The following PRKN variants were observed in gnomAD, a reference collection of about 807,000 sequenced individuals.
PRKN encodes the protein E3 ubiquitin-protein ligase parkin.
PRKN carries 56 observed loss-of-function variants against 59.5 expected under a neutral mutation model. The observed-to-expected ratio is 0.94, with a 90% CI of 0.76 to 1.18. The LOEUF (loss-of-function observed/expected upper bound fraction) is 1.18. PRKN is among the 50% of genes most tolerant of loss of function. PRKN has a pLI of 0.00. For missense variants in PRKN, 657 were observed against 596.4 expected, an observed-to-expected ratio of 1.10 and a Z score of -1.06; for synonymous variants, 250 against 222.1, an observed-to-expected ratio of 1.13 and a Z score of -1.12.
intron 1 of PRKN, among the ~76,000 whole-genome samples, chr6:162,719,490 GC>G (rs1270259969): frequency 2.0e-5 from 3 of 152,034 alleles, no homozygotes; most frequent in African/African-American, 7.2e-5. Context: ...AACCTAACTT[GC>G]CCCCATCCTC....
intron 9 of PRKN, among the ~76,000 whole-genome samples, chr6:161,422,756 G>A (rs1788159380): frequency 6.6e-6 from 1 of 152,136 alleles, no homozygotes; most frequent in Admixed American, 6.5e-5. Context: ...AGCAAGGAAG[G>A]AAGAGAGAAA....
intron 2 of PRKN, among the ~76,000 whole-genome samples, chr6:162,313,792 A>G (rs968866780): frequency 3.9e-5 from 6 of 152,094 alleles, no homozygotes; most frequent in Non-Finnish European, 8.8e-5. Flanking sequence ...CAGCCGCTGC[A>G]TCAGATTTTT....
chr6:162,257,064 G>T (rs1231371454), intron 3 of PRKN, among the ~76,000 whole-genome samples: 1 of 152,206 alleles, frequency 6.6e-6, no homozygotes, highest in African/African-American at 2.4e-5. Context: ...GCCAGCCTCA[G>T]CCTGTGCTGC....
At chr6:161,851,018 A>G (rs1722968411) in intron 6 of PRKN, among the ~76,000 whole-genome samples, 1 of 152,196 alleles carries the variant, frequency 6.6e-6, no homozygotes, top group African/African-American at 2.4e-5. Flanking sequence ...ACTTACAAAT[A>G]ACGATACTTT....
chr6:162,644,129 T>A (rs1184461871), intron 1 of PRKN, among the ~76,000 whole-genome samples: 3 of 152,144 alleles, frequency 2.0e-5, no homozygotes, highest in African/African-American at 7.2e-5. Flanking sequence ...GCAATGGAGA[T>A]GCACAAGTTG....
At chr6:161,649,513 G>C (rs1784075983) in intron 7 of PRKN, among the ~76,000 whole-genome samples, 1 of 152,128 alleles carries the variant, frequency 6.6e-6, no homozygotes, top group South Asian at 2.1e-4. Flanking sequence ...CAAGCATTTG[G>C]GACATACTTC....
At position 161,499,729 on chromosome 6, in the gene PRKN, G is replaced by C. The variant is rs144461702; in HGVS notation, c.1083+49125C>G. 1.7e-4 allele frequency among the ~76,000 whole-genome samples: 26 copies of C among 152,268 alleles called. No individual in the cohort carries two copies. The East Asian group carries it at 4.6e-3, about 27-fold the overall frequency. On this transcript the variant is annotated intron_variant, in intron 9 of 11. Transcript: ENST00000366898. This position sits in a 1 kb window ranked among gnomAD's most constrained non-coding sequence, Gnocchi z 4.2. ...ACAATTCTTAGGCACAATTAATCTT[G>C]AGAATTACTGCTCTGTGGCTGAGGT... is the stretch of plus-strand genomic sequence containing the variant.
intron 2 of PRKN, among the ~76,000 whole-genome samples, chr6:162,319,513 C>A (rs1782896890): frequency 1.3e-5 from 2 of 151,994 alleles, no homozygotes; most frequent in Non-Finnish European, 2.9e-5. Flanking sequence ...TGGTTACTTA[C>A]ACAACAACAA....
intron 7 of PRKN, among the ~76,000 whole-genome samples, chr6:161,724,130 T>C (rs972748697): frequency 2.0e-5 from 3 of 152,206 alleles, no homozygotes; most frequent in Admixed American, 2.0e-4. Context: ...AGGGTCCCCA[T>C]CTACTGTCCC....
intron 2 of PRKN, among the ~76,000 whole-genome samples, chr6:162,317,925 T>C (rs557657793): frequency 6.6e-6 from 1 of 152,040 alleles, no homozygotes; most frequent in South Asian, 2.1e-4. Flanking sequence ...AATATATATA[T>C]AATCTACCTT....
intron 9 of PRKN, among the ~76,000 whole-genome samples, chr6:161,482,612 T>C (rs1791456150): frequency 6.6e-6 from 1 of 152,216 alleles, no homozygotes; most frequent in Admixed American, 6.5e-5. Flanking sequence ...GCACATTAGC[T>C]GGGCAGGGAA....
chr6:161,534,617 T>G (rs1405384713), intron 9 of PRKN, among the ~76,000 whole-genome samples: 1 of 152,238 alleles, frequency 6.6e-6, no homozygotes, highest in Non-Finnish European at 1.5e-5. Flanking sequence ...AGTTACGTGT[T>G]GCCATGCGGC....
chr6:162,337,639 GGCA>G (rs534810415), intron 2 of PRKN, among the ~76,000 whole-genome samples: 13 of 152,180 alleles, frequency 8.5e-5, no homozygotes, highest in Non-Finnish European at 1.9e-4. Flanking sequence ...CAGTCTCGCT[GGCA>G]GCTGCAGGAT....
At chr6:162,497,503 G>T (rs1236554775) in intron 1 of PRKN, among the ~76,000 whole-genome samples, 1 of 152,162 alleles carries the variant, frequency 6.6e-6, no homozygotes, top group Non-Finnish European at 1.5e-5. Flanking sequence ...TTTTACAAAA[G>T]AACTATGGCT....
chr6:162,714,661 T>C (rs1038726284), intron 1 of PRKN, among the ~76,000 whole-genome samples: 22 of 152,232 alleles, frequency 1.4e-4, no homozygotes, highest in African/African-American at 5.1e-4. Context: ...TTTAGTGATA[T>C]TGTAATTACT....
chr6:161,461,360 C>T lies in PRKN; in HGVS notation c.1084-74483G>A, dbSNP rs1447865279. On this transcript the variant is annotated intron_variant, in intron 9 of 11. Coordinates refer to ENST00000366898, the MANE Select transcript of PRKN (RefSeq NM_004562.3). This position sits in a 1 kb window ranked among gnomAD's most constrained non-coding sequence, Gnocchi z 5.1. ...AGATGAGGCCAGAGGGTCCAGAAAACAAAGTAGATGGTCTTAAGGAGCTGA... is the reference window on the plus strand; with the variant it reads ...AGATGAGGCCAGAGGGTCCAGAAAATAAAGTAGATGGTCTTAAGGAGCTGA... Among the ~76,000 whole-genome samples the T allele has an allele frequency of 6.6e-6, 1 of 151,998 alleles. No homozygotes were observed. The highest frequency in any genetic ancestry group is 1.5e-5 in the Non-Finnish European group (1 of 67,994).
intron 4 of PRKN, among the ~76,000 whole-genome samples, chr6:162,063,455 C>T (rs1044912652): frequency 6.6e-6 from 1 of 152,158 alleles, no homozygotes; most frequent in Non-Finnish European, 1.5e-5. Context: ...TATGATAATA[C>T]TAAATGTCGG....
chr6:161,417,739 C>T lies in PRKN; in HGVS notation c.1084-30862G>A, dbSNP rs185054486. Among the ~76,000 whole-genome samples the T allele has an allele frequency of 5.9e-5, 9 of 152,284 alleles. No homozygotes were observed. Among genetic ancestry groups the T allele is most frequent in the Non-Finnish European group, 7.3e-5 (5 of 68,028 alleles). ...TTAGGCTGCCAATTAGTCATCCCTC[C>T]GGCCCCCCTGGGTTTTAACCTCTAG... On this transcript the variant is annotated intron_variant, in intron 9 of 11. Transcript: ENST00000366898. This position sits in a 1 kb window ranked among gnomAD's most constrained non-coding sequence, Gnocchi z 5.4.
chr6:161,666,412 A>C (rs534656632), intron 7 of PRKN, among the ~76,000 whole-genome samples: 1 of 152,306 alleles, frequency 6.6e-6, no homozygotes, highest in South Asian at 2.1e-4. Flanking sequence ...CTGAGGTGGA[A>C]CAGTTTCATC....
Sources: gnomAD v4.1 joint callset for allele counts (sites outside exome capture counted in the v4.1 genomes callset) on GRCh38, gnomAD v4.1.1 for gene constraint, Gnocchi (gnomAD v3.1) non-coding constraint, MANE v1.5 for transcripts, NCBI Gene and HGNC (gene_info 2026-07-23, HGNC 2026-07-21) for gene names.